Variants in PPP6R2 observed in about 807,000 individuals in gnomAD.
The protein encoded by PPP6R2 is serine/threonine-protein phosphatase 6 regulatory subunit 2.
A neutral mutation model predicts 100.2 loss-of-function variants in PPP6R2; 62 were observed. That is an observed-to-expected ratio of 0.62 (90% confidence interval 0.50 to 0.76). PPP6R2 has a LOEUF of 0.76. Ranked by LOEUF, PPP6R2 falls within the 30% of genes least tolerant of loss-of-function variation. The probability of loss-of-function intolerance (pLI) is 0.00; values close to 1 mark genes in which losing one functional copy is unlikely to be tolerated. For synonymous variants in PPP6R2, 525 were observed against 514.7 expected (o/e 1.02, Z -0.27); for missense variants, 1,142 against 1,276.3 (o/e 0.89, Z 1.60).
At chr22:50,437,803 G>T (rs1256500882) in intron 16 of PPP6R2, 40 bp from the exon 17 acceptor site, 1 of 1,549,036 alleles carries the variant, frequency 6.5e-7, no homozygotes, top group East Asian at 2.4e-5. Context: ...TGAGCAGTGG[G>T]CCTGGAGGAA....
upstream of PPP6R2, among the ~76,000 whole-genome samples, chr22:50,341,830 T>G (rs1419082337): frequency 6.6e-6 from 1 of 151,934 alleles, no homozygotes; most frequent in East Asian, 1.9e-4. Context: ...CCGTCTCTAC[T>G]AAAAATACAA....
rs2060254196 is a variant in PPP6R2, at chr22:50,414,539, T to C, written c.415-13T>C. Reference sequence around the variant, plus strand: ...GTCGGCCCCGCCTGCCTCTCAGGTGTGTGTGATTTCAGGTGATTACGTTTT... The same window carrying C: ...GTCGGCCCCGCCTGCCTCTCAGGTGCGTGTGATTTCAGGTGATTACGTTTT... On this transcript the variant is annotated splice_polypyrimidine_tract_variant and intron_variant, in intron 4 of 23. Coordinates refer to ENST00000612753, the MANE Select transcript of PPP6R2 (RefSeq NM_001242898.2). 6.2e-7 allele frequency: 1 copy of C among 1,613,390 alleles called. No individual in the cohort carries two copies. Among genetic ancestry groups the C allele is most frequent in the South Asian group, 1.1e-5 (1 of 90,998 alleles).
At chr22:50,438,908 C>A in intron 19 of PPP6R2, 146 bp downstream of exon 19, 1 of 908,584 alleles carries the variant, frequency 1.1e-6, no homozygotes, top group Non-Finnish European at 1.6e-6. Flanking sequence ...TATTTCCCAG[C>A]CGTCCTGAGT....
In PPP6R2 at chr22:50,443,850, C is replaced by T. The variant is rs2066449519; in HGVS notation, c.2580-16C>T. 3 of 1,561,910 alleles carry T rather than the reference C, an allele frequency of 1.9e-6. No individual in the cohort carries two copies. The highest frequency in any genetic ancestry group is 2.6e-6 in the Non-Finnish European group (3 of 1,148,934). The stretch of plus-strand genomic sequence containing the variant: ...GGTGGGGGTGCCCGTAACCGGAGTC[C>T]ATGTTTGCCACACAGGGTCGGGTGT... On this transcript the variant is annotated splice_polypyrimidine_tract_variant and intron_variant, in intron 22 of 23. Transcript: ENST00000612753.
Position 50,423,636 on chromosome 22 carries a change from C to T in PPP6R2, c.1125+22C>T. ...GCTGGTAAGTGGGCCCCTCAGCCAG[C>T]CCTGCATGTCTGTGAGTGTGCCGGG... On this transcript the variant is annotated intron_variant, in intron 10 of 23. Coordinates refer to ENST00000612753, the MANE Select transcript of PPP6R2 (RefSeq NM_001242898.2). This position sits in a 1 kb window ranked among gnomAD's most constrained non-coding sequence, Gnocchi z 4.8. The T allele has an allele frequency of 2.5e-6, 4 of 1,613,528 alleles. No homozygotes were observed. The highest frequency in any genetic ancestry group is 3.4e-6 in the Non-Finnish European group (4 of 1,179,748).
At chr22:50,437,480 T>TCCCAACC in intron 15 of PPP6R2, 26 bp from the exon 16 acceptor site, 1 of 728,368 alleles carries the variant, frequency 1.4e-6, no homozygotes, top group Non-Finnish European at 2.5e-6. Flanking sequence ...TGTCTGTCCG[T>TCCCAACC]CCCTCCCTCC....
intron 16 of PPP6R2, 65 bp downstream of exon 16, chr22:50,437,668 G>C: frequency 6.9e-7 from 1 of 1,450,144 alleles, no homozygotes; most frequent in Non-Finnish European, 9.7e-7. Flanking sequence ...CTCCCGTGGA[G>C]GCAGCTCCCT....
At chr22:50,372,823 G>A (rs1157401380) in intron 2 of PPP6R2, among the ~76,000 whole-genome samples, 2 of 151,684 alleles carry the variant, frequency 1.3e-5, no homozygotes, top group Non-Finnish European at 2.9e-5. Context: ...CAAGTAGCTG[G>A]GACTACAGGC....
intron 21 of PPP6R2, 88 bp from the exon 22 acceptor site, chr22:50,440,734 C>G: frequency 6.9e-7 from 1 of 1,440,516 alleles, no homozygotes; most frequent in Non-Finnish European, 9.7e-7. Context: ...TGTGAGAGGG[C>G]CACATGTATG....
chr22:50,350,256 G>A (rs1327678042), intron 1 of PPP6R2, among the ~76,000 whole-genome samples: 4 of 151,930 alleles, frequency 2.6e-5, no homozygotes, highest in South Asian at 2.1e-4. Context: ...TTGAGACGAA[G>A]TTTCCCTCTT....
Position 50,443,869 on chromosome 22 carries a change from C to T in PPP6R2, c.2583C>T (p.Val861=), listed in dbSNP as rs543866125. Residue 861 remains valine, a synonymous_variant, in exon 23 of 24, where the codon GTC becomes GTT. Coordinates refer to ENST00000612753, the MANE Select transcript of PPP6R2 (RefSeq NM_001242898.2). ...GGAGTCCATGTTTGCCACACAGGGT[C>T]GGGTGTGCTGACAGCCGGCTGTTAA... is the stretch of plus-strand genomic sequence containing the variant. ...VARTEEAVGR[V]GCADSRLLSP... 43 of 1,577,250 alleles carry T rather than the reference C, an allele frequency of 2.7e-5. No individual in the cohort carries two copies. The East Asian group carries it at 5.6e-4, about 21-fold the overall frequency.
chr22:50,389,623 G>A (rs1029756772), intron 2 of PPP6R2, among the ~76,000 whole-genome samples: 2 of 149,756 alleles, frequency 1.3e-5, no homozygotes, highest in Admixed American at 6.7e-5. Context: ...GCGTGATCTC[G>A]GCTCTCGCTC....
At chr22:50,441,842 T>C (rs1162690147) in intron 22 of PPP6R2, among the ~76,000 whole-genome samples, 1 of 152,076 alleles carries the variant, frequency 6.6e-6, no homozygotes, top group Non-Finnish European at 1.5e-5. Context: ...GGGCGTGGGT[T>C]AGCAGGAGGG....
intron 22 of PPP6R2, among the ~76,000 whole-genome samples, chr22:50,442,162 G>A (rs767195410): frequency 2.0e-5 from 3 of 152,170 alleles, no homozygotes; most frequent in South Asian, 2.1e-4. Flanking sequence ...GCCTGCATGC[G>A]TCCCACCTGT....
At chr22:50,346,859 C>T (rs978736333) in intron 1 of PPP6R2, among the ~76,000 whole-genome samples, 2 of 137,724 alleles carry the variant, frequency 1.5e-5, no homozygotes, top group African/African-American at 5.3e-5. Context: ...TCTGTCATGT[C>T]CCCACTTCCC....
chr22:50,402,470 C>G (rs893704582), intron 3 of PPP6R2, among the ~76,000 whole-genome samples: 3 of 152,138 alleles, frequency 2.0e-5, no homozygotes, highest in African/African-American at 7.2e-5. Flanking sequence ...TCAGCCCACC[C>G]TGCCCTTACT....
At chr22:50,365,070 T>A (rs982947235) in intron 1 of PPP6R2, among the ~76,000 whole-genome samples, 1 of 81,420 alleles carries the variant, frequency 1.2e-5, no homozygotes. Flanking sequence ...TATGAGATAC[T>A]TTTTTTTTTT....
At chr22:50,411,366 A>G (rs563816008) in intron 4 of PPP6R2, among the ~76,000 whole-genome samples, 1 of 152,056 alleles carries the variant, frequency 6.6e-6, no homozygotes, top group South Asian at 2.1e-4. Flanking sequence ...GAGACAGGAG[A>G]ATCACTTGAA....
At chr22:50,430,106 G>C (rs985751126) in intron 10 of PPP6R2, among the ~76,000 whole-genome samples, 1 of 152,252 alleles carries the variant, frequency 6.6e-6, no homozygotes, top group African/African-American at 2.4e-5. Flanking sequence ...AGACGGCAGT[G>C]GGGGGCGAGT....
Sources: allele counts gnomAD v4.1 joint callset (sites outside exome capture counted in the v4.1 genomes callset), GRCh38; gene constraint gnomAD v4.1.1; non-coding constraint Gnocchi (gnomAD v3.1); transcripts MANE v1.5; gene names NCBI Gene and HGNC (gene_info 2026-07-23, HGNC 2026-07-21).